The following TBC1D12 variants were observed in gnomAD, a reference collection of about 807,000 sequenced individuals.
TBC1D12 encodes TBC1 domain family member 12.
TBC1D12 carries 56 observed loss-of-function variants against 86.7 expected under a neutral mutation model. That is an observed-to-expected ratio of 0.65 (90% CI 0.52 to 0.81). The LOEUF (loss-of-function observed/expected upper bound fraction) is 0.81, where lower values mean the gene tolerates loss of function less well. TBC1D12 is among the 30% of genes least tolerant of loss of function. The pLI is 0.00. For synonymous variants in TBC1D12, 421 were observed against 411.7 expected, an observed-to-expected ratio of 1.02 and a Z score of -0.27; for missense variants, 1,023 against 1,038.8, an observed-to-expected ratio of 0.98 and a Z score of 0.21.
intron 9 of TBC1D12, 118 bp downstream of exon 9, chr10:94,511,772 G>A (rs2056531525): frequency 1.3e-6 from 1 of 748,122 alleles, no homozygotes; most frequent in African/African-American, 1.8e-5. Flanking sequence ...GTTTTTCTTA[G>A]GCTTATCAAT....
intron 3 of TBC1D12, among the ~76,000 whole-genome samples, chr10:94,480,604 A>G (rs1243999129): frequency 6.6e-6 from 1 of 151,990 alleles, no homozygotes; most frequent in Non-Finnish European, 1.5e-5. Flanking sequence ...CCAGGATTCA[A>G]TTATTCCCTT....
At chr10:94,502,866 A>G (rs2056416397) in intron 6 of TBC1D12, among the ~76,000 whole-genome samples, 1 of 152,220 alleles carries the variant, frequency 6.6e-6, no homozygotes, top group African/African-American at 2.4e-5. Flanking sequence ...TAAAGTAATG[A>G]GAAGGTACAA....
intron 12 of TBC1D12, among the ~76,000 whole-genome samples, chr10:94,531,862 A>ATGTTATTT (rs760350753): frequency 9.6e-5 from 8 of 83,296 alleles, no homozygotes; most frequent in African/African-American, 3.5e-4. Context: ...ATTTTATTTT[A>ATGTTATTT]TATGTTATGT....
At chr10:94,516,076 T>C (rs1038293645) in intron 9 of TBC1D12, among the ~76,000 whole-genome samples, 8 of 151,376 alleles carry the variant, frequency 5.3e-5, no homozygotes, top group Non-Finnish European at 1.0e-4. Context: ...CTGTTGACCG[T>C]AGGAAACTGA....
At chr10:94,478,029 C>T (rs2056018723) in intron 3 of TBC1D12, among the ~76,000 whole-genome samples, 2 of 152,142 alleles carry the variant, frequency 1.3e-5, no homozygotes, top group African/African-American at 4.8e-5. Context: ...ATCTATAATC[C>T]CAGGACTTTG....
chr10:94,516,656 G>A (rs1842001310), intron 9 of TBC1D12, among the ~76,000 whole-genome samples: 1 of 147,132 alleles, frequency 6.8e-6, no homozygotes, highest in African/African-American at 2.5e-5. Context: ...CTATGAGTGA[G>A]AACATGCAGT....
At chr10:94,527,991 T>G (rs1842338746) in intron 11 of TBC1D12, among the ~76,000 whole-genome samples, 1 of 152,194 alleles carries the variant, frequency 6.6e-6, no homozygotes, top group Non-Finnish European at 1.5e-5. Flanking sequence ...TAGTGTATTT[T>G]GAGATCTGGT....
intron 3 of TBC1D12, among the ~76,000 whole-genome samples, chr10:94,479,969 T>TA (rs1439710184): frequency 1.3e-5 from 2 of 152,274 alleles, no homozygotes; most frequent in East Asian, 3.9e-4. Flanking sequence ...ATGGTGACCT[T>TA]ATGCTAACCG....
chr10:94,471,324 A>G (rs1454953965), intron 2 of TBC1D12, among the ~76,000 whole-genome samples: 4 of 151,274 alleles, frequency 2.6e-5, no homozygotes, highest in East Asian at 1.9e-4. Flanking sequence ...TACATAAATT[A>G]TATTCTAGCT....
intron 1 of TBC1D12, among the ~76,000 whole-genome samples, chr10:94,421,866 A>G (rs538748302): frequency 2.0e-5 from 3 of 152,128 alleles, no homozygotes; most frequent in Non-Finnish European, 4.4e-5. Flanking sequence ...GCCTAATATT[A>G]ATTGGGCTGT....
intron 4 of TBC1D12, among the ~76,000 whole-genome samples, chr10:94,496,549 C>T (rs1052413160): frequency 5.3e-5 from 8 of 152,006 alleles, no homozygotes; most frequent in African/African-American, 1.9e-4. Flanking sequence ...GTTAGTTGCC[C>T]ACAGTTGTTT....
intron 3 of TBC1D12, among the ~76,000 whole-genome samples, chr10:94,488,505 C>T (rs1415451419): frequency 6.7e-6 from 1 of 148,238 alleles, no homozygotes. Context: ...ATTCTCCTGC[C>T]TCAGCCTCCC....
At chr10:94,483,894 G>A (rs964686971) in intron 3 of TBC1D12, among the ~76,000 whole-genome samples, 1 of 151,982 alleles carries the variant, frequency 6.6e-6, no homozygotes, top group Non-Finnish European at 1.5e-5. Context: ...GTTTTCTTCT[G>A]GTAGTTTCAT....
intron 6 of TBC1D12, among the ~76,000 whole-genome samples, chr10:94,502,135 C>T (rs1159368242): frequency 6.6e-6 from 1 of 151,770 alleles, no homozygotes; most frequent in Non-Finnish European, 1.5e-5. Flanking sequence ...GAATTTGAGA[C>T]CAGTCTGACC....
At chr10:94,456,281 T>C (rs938964681) in intron 2 of TBC1D12, among the ~76,000 whole-genome samples, 1 of 152,198 alleles carries the variant, frequency 6.6e-6, no homozygotes, top group Non-Finnish European at 1.5e-5. Flanking sequence ...TTTAGATCTT[T>C]CTTCTTTTCT....
chr10:94,493,249 T>C lies in TBC1D12; in HGVS notation c.1212-116T>C, dbSNP rs1316718669. 4.0e-6 allele frequency: 3 copies of C among 751,824 alleles called. No homozygotes were observed. In the East Asian group the frequency reaches 7.8e-5, roughly 20 times the overall value. The allele number at this position is 751,824 out of a possible 1,614,324, so 46.6% of individuals were successfully genotyped here. A position where few individuals can be genotyped will look rare whatever the true frequency, so the allele number is the denominator to read the frequency against. On this transcript the variant is annotated intron_variant, in intron 3 of 12. Transcript: ENST00000225235. ...TTTTCAGCCTTTCACTTCCTTAATG[T>C]ATGAAATGAGGTTAGTTTAGAAATT...
chr10:94,504,601 G>T (rs2134196084), intron 6 of TBC1D12, among the ~76,000 whole-genome samples: 1 of 152,272 alleles, frequency 6.6e-6, no homozygotes, highest in African/African-American at 2.4e-5. Context: ...GTAGCTAAGA[G>T]TAAGGGCTCT....
chr10:94,497,206 G>T, intron 5 of TBC1D12, 34 bp downstream of exon 5: 1 of 1,233,776 alleles, frequency 8.1e-7, no homozygotes, highest in Non-Finnish European at 1.1e-6. Flanking sequence ...ATTCCCATTT[G>T]TCTCCGAAGA....
chr10:94,496,167 G>C (rs2056318980), intron 4 of TBC1D12, among the ~76,000 whole-genome samples: 1 of 151,876 alleles, frequency 6.6e-6, no homozygotes, highest in South Asian at 2.1e-4. Flanking sequence ...AAGATGGTCT[G>C]AGGCATATCT....
Sources: allele counts gnomAD v4.1 joint callset (sites outside exome capture counted in the v4.1 genomes callset), GRCh38; gene constraint gnomAD v4.1.1; transcripts MANE v1.5; gene names NCBI Gene and HGNC (gene_info 2026-07-23, HGNC 2026-07-21).